PCDHA1: variants seen among roughly 807,000 people sequenced by gnomAD.
PCDHA1 encodes protocadherin alpha-1.
PCDHA1 carries 42 observed loss-of-function variants against 61.3 expected under a neutral mutation model. That is an observed-to-expected ratio of 0.69 (90% CI 0.54 to 0.89). The LOEUF (loss-of-function observed/expected upper bound fraction) is 0.89. PCDHA1 is among the 40% of genes least tolerant of loss of function. The probability of loss-of-function intolerance (pLI) is 0.00; values close to 1 mark genes in which losing one functional copy is unlikely to be tolerated. For missense variants in PCDHA1, 1,256 were observed against 1,235.3 expected (o/e 1.02, Z -0.25); for synonymous variants, 610 against 553.8 (o/e 1.10, Z -1.43).
chr5:140,830,427 G>A, intron 1 of PCDHA1: 1 of 1,613,868 alleles, frequency 6.2e-7, no homozygotes, highest in Non-Finnish European at 8.5e-7. Flanking sequence ...CTTTCACCTT[G>A]TCCTATTATG....
chr5:140,926,325 T>C (rs1441503834), intron 1 of PCDHA1: 1 of 151,866 alleles, frequency 6.6e-6, no homozygotes, highest in African/African-American at 2.4e-5. Flanking sequence ...TGCGCCGGGG[T>C]CAGAGCGCCG....
At position 140,870,930 on chromosome 5, in the gene PCDHA1, A is replaced by G. The variant is rs373236202; in HGVS notation, c.2394+82246A>G. ...GCTACAACGCGTGGCTTTCATATGA[A>G]TTGCAGCCGGCGGCGGGCGGCTCGC... On this transcript the variant is annotated intron_variant, in intron 1 of 3. Coordinates refer to ENST00000504120, the MANE Select transcript of PCDHA1 (RefSeq NM_018900.4). 1.9e-6 allele frequency: 3 copies of G among 1,613,850 alleles called. No homozygotes were observed. The East Asian group carries it at 6.7e-5, about 36-fold the overall frequency.
chr5:140,896,008 T>C (rs1231092307), intron 1 of PCDHA1, among the ~76,000 whole-genome samples: 4 of 152,082 alleles, frequency 2.6e-5, no homozygotes, highest in Non-Finnish European at 4.4e-5. Flanking sequence ...ACAGGGTTTC[T>C]CCATGTTGGC....
In PCDHA1 at chr5:140,809,371, C is replaced by A. The variant is rs781936039; in HGVS notation, c.2394+20687C>A. On this transcript the variant is annotated intron_variant, in intron 1 of 3. Transcript: ENST00000504120. ...CGCTGCGGTGCTCTGCGCTGCCCACCGAGGGCGCGTGCGCTCCGGGCAAGC... is the reference window on the plus strand; with the variant it reads ...CGCTGCGGTGCTCTGCGCTGCCCACAGAGGGCGCGTGCGCTCCGGGCAAGC... The A allele has an allele frequency of 4.3e-6, 7 of 1,613,986 alleles. No individual in the cohort carries two copies. In the South Asian group the frequency reaches 5.5e-5, roughly 13 times the overall value.
At chr5:140,985,203 T>C (rs1274620928) in intron 3 of PCDHA1, among the ~76,000 whole-genome samples, 1 of 152,092 alleles carries the variant, frequency 6.6e-6, no homozygotes, top group Non-Finnish European at 1.5e-5. Flanking sequence ...TCCCAAAGTG[T>C]TGGGATTACA....
chr5:140,871,332 G>T (rs1182944600), intron 1 of PCDHA1: 6 of 1,614,146 alleles, frequency 3.7e-6, no homozygotes, highest in South Asian at 1.1e-5. Flanking sequence ...GCTCCCGCGC[G>T]GTGGGGAGCT....
At position 140,788,446 on chromosome 5, in the gene PCDHA1, C is replaced by T; in HGVS notation, c.2156C>T (p.Thr719Met). The change falls in exon 1 of 4, where the codon ACG (threonine) becomes ATG (methionine). Residue 719 changes from threonine to methionine, a missense_variant. Physicochemically the swap from Thr to Met is moderately conservative, Grantham distance 81 (BLOSUM62 -1). Coordinates refer to ENST00000504120, the MANE Select transcript of PCDHA1 (RefSeq NM_018900.4). Reference protein sequence around the residue: ...SLLVLTLLLYTALRCSVPPTE... With the variant: ...SLLVLTLLLYMALRCSVPPTE... ...CTGGTGCTCACACTGCTGCTGTACA[C>T]GGCGCTGCGGTGCTCAGTGCCGCCC... The T allele has an allele frequency of 6.2e-7, 1 of 1,614,130 alleles. No homozygotes were observed. Among genetic ancestry groups the T allele is most frequent in the Non-Finnish European group, 8.5e-7 (1 of 1,180,002 alleles).
chr5:140,928,161 C>T (rs155820), intron 1 of PCDHA1: 1 of 1,613,960 alleles, frequency 6.2e-7, no homozygotes, highest in South Asian at 1.1e-5. Context: ...GTGGCTCACC[C>T]CCACTTAGCA....
At chr5:140,915,694 G>A (rs2077262169) in intron 1 of PCDHA1, among the ~76,000 whole-genome samples, 1 of 151,538 alleles carries the variant, frequency 6.6e-6, no homozygotes, top group African/African-American at 2.4e-5. Flanking sequence ...GTATGGTGAT[G>A]CAAGCACTCC....
chr5:140,795,709 G>A (rs781955291), intron 1 of PCDHA1: 2 of 1,613,974 alleles, frequency 1.2e-6, no homozygotes, highest in Non-Finnish European at 8.5e-7. Context: ...AGTTTACAAA[G>A]TAAAATTGTT....
chr5:140,894,670 C>T (rs971891585), intron 1 of PCDHA1, among the ~76,000 whole-genome samples: 2 of 151,580 alleles, frequency 1.3e-5, no homozygotes, highest in African/African-American at 4.8e-5. Flanking sequence ...TTTGTGTATT[C>T]TTGCATAGCT....
chr5:140,917,960 T>C (rs531936377), intron 1 of PCDHA1, among the ~76,000 whole-genome samples: 8 of 152,316 alleles, frequency 5.3e-5, no homozygotes, highest in East Asian at 3.9e-4. Context: ...AGGAACATCA[T>C]TGAATCTGTG....
intron 1 of PCDHA1, among the ~76,000 whole-genome samples, chr5:140,936,813 T>C (rs1299896116): frequency 6.6e-6 from 1 of 152,216 alleles, no homozygotes; most frequent in Non-Finnish European, 1.5e-5. Flanking sequence ...TTAGCTATTT[T>C]TGGCCCTTTG....
chr5:140,892,874 C>T (rs1157291129), intron 1 of PCDHA1, among the ~76,000 whole-genome samples: 2 of 152,148 alleles, frequency 1.3e-5, no homozygotes, highest in Non-Finnish European at 2.9e-5. Flanking sequence ...GCTATAATTT[C>T]GTATCCATTA....
chr5:140,810,523 T>G (rs782023770), intron 1 of PCDHA1: 1 of 152,260 alleles, frequency 6.6e-6, no homozygotes, highest in Non-Finnish European at 1.5e-5. Context: ...GCCATTTTAC[T>G]GGGTGACTTT....
chr5:140,929,499 C>G, intron 1 of PCDHA1: 1 of 980,264 alleles, frequency 1.0e-6, no homozygotes, highest in South Asian at 3.1e-5. Flanking sequence ...GAAGATTGCC[C>G]TAGGCCTCAA....
intron 1 of PCDHA1, among the ~76,000 whole-genome samples, chr5:140,903,637 A>G (rs1290449623): frequency 1.3e-5 from 2 of 152,240 alleles, no homozygotes; most frequent in Non-Finnish European, 1.5e-5. Flanking sequence ...GTATGCATAT[A>G]CCATATACAT....
chr5:140,803,278 T>G, intron 1 of PCDHA1: 1 of 1,614,030 alleles, frequency 6.2e-7, no homozygotes, highest in Non-Finnish European at 8.5e-7. Flanking sequence ...GCTGCACTGG[T>G]GGATGTCAAC....
At chr5:141,009,528 G>A in intron 3 of PCDHA1, 99 bp from the exon 4 acceptor site, 4 of 1,508,216 alleles carry the variant, frequency 2.7e-6, no homozygotes, top group Non-Finnish European at 3.5e-6. Flanking sequence ...TTCTGGGGAG[G>A]TTCAGCCTGC....
Sources: gnomAD v4.1 joint callset for allele counts (sites outside exome capture counted in the v4.1 genomes callset) on GRCh38, gnomAD v4.1.1 for gene constraint, MANE v1.5 for transcripts, NCBI Gene and HGNC (gene_info 2026-07-23, HGNC 2026-07-21) for gene names.